The following DMBT1 variants were observed in gnomAD, a reference collection of about 807,000 sequenced individuals.
DMBT1 encodes deleted in malignant brain tumors 1.
Under a neutral mutation model 252.9 loss-of-function variants are expected in DMBT1, and 198 were observed. The ratio of observed to expected loss-of-function variants is 0.78; its 90% CI spans 0.70 to 0.88. The LOEUF is 0.88. Among genes scored for constraint, DMBT1 ranks in the 40% least tolerant of loss-of-function variants. The pLI is 0.00. For synonymous variants in DMBT1, 990 were observed against 942.7 expected (o/e 1.05, Z -0.92); for missense variants, 2,432 against 2,404.7 (o/e 1.01, Z -0.24).
Position 122,589,094 on chromosome 10 carries a change from G to A in DMBT1, c.1934G>A (p.Cys645Tyr), listed in dbSNP as rs1193253100. 2.5e-5 allele frequency: 40 copies of A among 1,588,790 alleles called. 4 individuals are homozygous for A. The highest frequency in any genetic ancestry group is 3.4e-5 in the Non-Finnish European group (40 of 1,165,922). The part of the protein sequence containing the change: ...DANVVCRQLG[C>Y]GWATSAPGNA... ...AATGTGGTCTGCAGGCAGCTGGGCTGTGGCTGGGCCACGTCAGCCCCAGGA... is the reference window on the plus strand; with the variant it reads ...AATGTGGTCTGCAGGCAGCTGGGCTATGGCTGGGCCACGTCAGCCCCAGGA... The change falls in exon 17 of 56, where the codon TGT becomes TAT. Residue 645 changes from cysteine to tyrosine, a missense_variant. Cys to Tyr is a radical substitution (Grantham distance 194). Coordinates refer to ENST00000338354, the MANE Select transcript of DMBT1 (RefSeq NM_001377530.1).
At chr10:122,617,698 C>T (rs1216451038) in intron 40 of DMBT1, among the ~76,000 whole-genome samples, 14 of 151,634 alleles carry the variant, frequency 9.2e-5, no homozygotes, top group Admixed American at 9.2e-4. Context: ...AAACATGGGG[C>T]CAGCATGGGC....
rs1248962823 is a variant in DMBT1 at position 122,643,419 on chromosome 10, C to T, written c.*21C>T. On this transcript the variant is annotated 3_prime_UTR_variant, in exon 56 of 56. Transcript: ENST00000338354. ...GGTAGGTGGTCGCTCTCAGACCCCA[C>T]TGTCCACCGGGGCGCAGACCCCTGA... 6.2e-7 allele frequency: 1 copy of T among 1,601,202 alleles called. No individual in the cohort carries two copies. The highest frequency in any genetic ancestry group is 1.3e-5 in the African/African-American group (1 of 74,542).
At chr10:122,593,852 C>G in intron 21 of DMBT1, among the ~76,000 whole-genome samples, 1 of 143,458 alleles carries the variant, frequency 7.0e-6, no homozygotes, top group African/African-American at 2.5e-5. Flanking sequence ...AGTGGACAAC[C>G]CTTACAGGTT....
At chr10:122,633,994 G>A (rs1197703636) in intron 52 of DMBT1, among the ~76,000 whole-genome samples, 1 of 152,064 alleles carries the variant, frequency 6.6e-6, no homozygotes, top group African/African-American at 2.4e-5. Context: ...AAAATTAGCT[G>A]GGTGTGGTGG....
chr10:122,563,960 T>C (rs1264086189), intron 1 of DMBT1, among the ~76,000 whole-genome samples: 1 of 152,156 alleles, frequency 6.6e-6, no homozygotes, highest in Non-Finnish European at 1.5e-5. Context: ...TATCAGCTCG[T>C]TCTTGAGTGT....
chr10:122,600,550 G>C (rs1013547365), intron 27 of DMBT1, among the ~76,000 whole-genome samples: 2 of 152,230 alleles, frequency 1.3e-5, no homozygotes, highest in African/African-American at 2.4e-5. Flanking sequence ...AAAAGGCAGA[G>C]TTTGTGCTTG....
At chr10:122,617,185 C>T (rs373941699) in intron 39 of DMBT1, 43 bp from the exon 40 acceptor site, 5 of 1,597,730 alleles carry the variant, frequency 3.1e-6, no homozygotes, top group Non-Finnish European at 4.3e-6. Flanking sequence ...TGCCTTTTCC[C>T]TTCAAGTCTA....
intron 26 of DMBT1, among the ~76,000 whole-genome samples, 156 bp from the exon 27 acceptor site, chr10:122,599,908 C>A (rs1462103159): frequency 6.6e-6 from 1 of 152,154 alleles, no homozygotes; most frequent in Non-Finnish European, 1.5e-5. Flanking sequence ...TTACATGGTG[C>A]ATCTCTGTGG....
In DMBT1 at chr10:122,600,105, G is replaced by T. The variant is rs373999317; in HGVS notation, c.3310+12G>T. On this transcript the variant is annotated intron_variant, in intron 27 of 55. Coordinates refer to ENST00000338354, the MANE Select transcript of DMBT1 (RefSeq NM_001377530.1). ...AACACCTAGTCCAGGTGGGTCCCCAGTGTCCTTCCTCAAAATGTCCCTTCT... is the reference window on the plus strand; with the variant it reads ...AACACCTAGTCCAGGTGGGTCCCCATTGTCCTTCCTCAAAATGTCCCTTCT... The T allele has an allele frequency of 6.2e-7, 1 of 1,605,304 alleles. No homozygotes were observed. The highest frequency in any genetic ancestry group is 8.5e-7 in the Non-Finnish European group (1 of 1,177,506).
chr10:122,630,489 C>CGGTAA lies in DMBT1; in HGVS notation c.6025+1_6025+5dup, dbSNP rs2098153581. On this transcript the variant is annotated frameshift_variant and splice_region_variant, in exon 48 of 56. Transcript: ENST00000338354. LOFTEE classifies it high-confidence loss of function. ...TGGCTTGGTATAACTCCTTCCCAAG[C>CGGTAA]GGTAAGTGCACACTAGACCATGCCT... The CGGTAA allele has an allele frequency of 6.2e-7, 1 of 1,613,754 alleles. No homozygotes were observed. Among genetic ancestry groups the CGGTAA allele is most frequent in the African/African-American group, 1.3e-5 (1 of 74,924 alleles).
intron 2 of DMBT1, among the ~76,000 whole-genome samples, chr10:122,568,627 C>T (rs762293961): frequency 2.6e-5 from 4 of 152,094 alleles, no homozygotes; most frequent in Non-Finnish European, 5.9e-5. Flanking sequence ...TGGAGGTGAC[C>T]GGTGTCAGGG....
chr10:122,630,711 G>A (rs2098156721), intron 48 of DMBT1, among the ~76,000 whole-genome samples: 1 of 152,172 alleles, frequency 6.6e-6, no homozygotes, highest in Admixed American at 6.5e-5. Flanking sequence ...AACTCTCCAG[G>A]GGACCTGGTG....
In DMBT1 at chr10:122,579,821, C is replaced by T. The variant is rs1405376540; in HGVS notation, c.923C>T (p.Ser308Phe). The T allele has an allele frequency of 6.2e-7, 1 of 1,613,612 alleles. No individual in the cohort carries two copies. The highest frequency in any genetic ancestry group is 2.2e-5 in the East Asian group (1 of 44,852). ...LDDVRCSGHE[S>F]YLWSCPHNGW... ...GATGTGCGCTGCTCAGGACATGAGT[C>T]CTACCTGTGGAGCTGCCCCCACAAT... Residue 308 changes from serine to phenylalanine, a missense_variant, in exon 10 of 56, where the codon TCC (serine) becomes TTC (phenylalanine). Around this residue, in one of 3 missense-constraint regions of DMBT1, gnomAD observed 1,264 missense variants for 1,082.2 expected, o/e 1.17. Coordinates refer to ENST00000338354, the MANE Select transcript of DMBT1 (RefSeq NM_001377530.1).
intron 5 of DMBT1, among the ~76,000 whole-genome samples, chr10:122,573,491 C>G (rs1985772): frequency 0.69 from 104,515 of 152,076 alleles, 36,130 homozygotes; most frequent in East Asian, 0.77. Flanking sequence ...CAGCAGAGGA[C>G]ATGGGGGTAG....
intron 39 of DMBT1, among the ~76,000 whole-genome samples, chr10:122,616,782 AG>A (rs1313041315): frequency 6.6e-5 from 1 of 15,104 alleles, no homozygotes; most frequent in Admixed American, 6.3e-4. Flanking sequence ...CAGAAGAGGC[AG>A]GGTTTGTGCT....
intron 14 of DMBT1, among the ~76,000 whole-genome samples, 179 bp downstream of exon 14, chr10:122,584,530 G>A (rs1053706883): frequency 6.8e-6 from 1 of 146,372 alleles, no homozygotes; most frequent in Non-Finnish European, 1.5e-5. Flanking sequence ...GGTTCAAGAG[G>A]CTTCTGTCTT....
intron 44 of DMBT1, among the ~76,000 whole-genome samples, chr10:122,623,748 A>G (rs1376709684): frequency 6.6e-6 from 1 of 152,234 alleles, no homozygotes; most frequent in Non-Finnish European, 1.5e-5. Context: ...TGAAGGCCAG[A>G]GGAACTAGAC....
In DMBT1 at chr10:122,586,437, G is replaced by T; in HGVS notation, c.1783+54G>T. ...TCTTGGGGTAGATTTTGCTCAGGAA[G>T]GTTTTATTATGTTCTAATCTCCTCA... On this transcript the variant is annotated intron_variant, in intron 16 of 55. Coordinates refer to ENST00000338354, the MANE Select transcript of DMBT1 (RefSeq NM_001377530.1). 1.3e-6 allele frequency: 2 copies of T among 1,577,872 alleles called. 1 individual carries two copies. The highest frequency in any genetic ancestry group is 1.7e-6 in the Non-Finnish European group (2 of 1,160,964).
rs373868062 is a variant in DMBT1 at position 122,636,066 on chromosome 10, A to T, written c.6624A>T (p.Arg2208=). 117 of 1,613,900 alleles carry T rather than the reference A, an allele frequency of 7.2e-5. 1 individual carries two copies. The African/African-American group carries it at 1.4e-3, about 19-fold the overall frequency. The change falls in exon 53 of 56, where the codon CGA becomes CGT. Residue 2208 remains arginine, a synonymous_variant. Coordinates refer to ENST00000338354, the MANE Select transcript of DMBT1 (RefSeq NM_001377530.1). The part of the protein sequence containing the change: ...GPYRSSPLIA[R]VCDGARGSFT... ...ACCGCAGTTCCCCTCTCATTGCTCG[A>T]GTTTGTGATGGGGCCAGAGGCTCCT...
Sources: allele counts gnomAD v4.1 joint callset (sites outside exome capture counted in the v4.1 genomes callset), GRCh38; gene constraint gnomAD v4.1.1; regional missense constraint gnomAD v4.1.1; transcripts MANE v1.5; gene names NCBI Gene and HGNC (gene_info 2026-07-23, HGNC 2026-07-21).